The following PCDHA10 variants were observed in gnomAD, a reference collection of about 807,000 sequenced individuals.
PCDHA10 encodes protocadherin alpha-10.
Under a neutral mutation model 61.2 loss-of-function variants are expected in PCDHA10, and 45 were observed. That is an observed-to-expected ratio of 0.74 (90% confidence interval 0.58 to 0.94). PCDHA10 has a LOEUF of 0.94. Ranked by LOEUF, PCDHA10 falls within the 40% of genes least tolerant of loss-of-function variation. The pLI is 0.00. For missense variants in PCDHA10, 1,278 were observed against 1,236.2 expected (o/e 1.03, Z -0.51); for synonymous variants, 602 against 548.8 (o/e 1.10, Z -1.35).
chr5:140,979,048 C>T, intron 2 of PCDHA10, 41 bp downstream of exon 2: 2 of 1,611,774 alleles, frequency 1.2e-6, no homozygotes, highest in East Asian at 2.2e-5. Context: ...GTAACCTTAA[C>T]TTGGTATGGC....
chr5:140,941,185 CTTT>C (rs782102770), intron 1 of PCDHA10, among the ~76,000 whole-genome samples: 1 of 102,176 alleles, frequency 9.8e-6, no homozygotes, highest in Admixed American at 9.9e-5. Flanking sequence ...CATCCTGCTT[CTTT>C]TTTTTTCTTT....
At chr5:140,871,976 C>A (rs2053421346) in intron 1 of PCDHA10, among the ~76,000 whole-genome samples, 1 of 152,206 alleles carries the variant, frequency 6.6e-6, no homozygotes, top group Non-Finnish European at 1.5e-5. Context: ...CCTATGATGT[C>A]CAGGTTGGAC....
intron 1 of PCDHA10, chr5:140,869,664 G>T: frequency 6.2e-7 from 1 of 1,613,474 alleles, no homozygotes; most frequent in Non-Finnish European, 8.5e-7. Flanking sequence ...CAAATGGTAA[G>T]CAGATTAAAA....
chr5:140,886,217 T>C (rs548266069), intron 1 of PCDHA10, among the ~76,000 whole-genome samples: 3 of 152,240 alleles, frequency 2.0e-5, no homozygotes, highest in African/African-American at 7.2e-5. Flanking sequence ...TTTCTCTAAT[T>C]TTGTTACTTT....
chr5:140,875,961 C>G, intron 1 of PCDHA10: 1 of 1,614,004 alleles, frequency 6.2e-7, no homozygotes, highest in Non-Finnish European at 8.5e-7. Flanking sequence ...CGGATATCGG[C>G]GTAAACTCTC....
intron 1 of PCDHA10, among the ~76,000 whole-genome samples, chr5:140,938,890 C>T (rs979482011): frequency 5.9e-5 from 9 of 152,080 alleles, no homozygotes; most frequent in Non-Finnish European, 8.8e-5. Flanking sequence ...CACACACACA[C>T]AGATGCGCAC....
At chr5:141,003,750 A>T (rs868985181) in intron 3 of PCDHA10, among the ~76,000 whole-genome samples, 3 of 152,226 alleles carry the variant, frequency 2.0e-5, no homozygotes, top group African/African-American at 7.2e-5. Flanking sequence ...CATATTTTGT[A>T]TAATTATGGT....
chr5:140,957,591 C>T (rs1554223040), intron 1 of PCDHA10, among the ~76,000 whole-genome samples: 1 of 151,946 alleles, frequency 6.6e-6, no homozygotes, highest in African/African-American at 2.4e-5. Flanking sequence ...CAAAGCACTT[C>T]CCAGAATAAA....
chr5:140,869,654 C>G, intron 1 of PCDHA10: 2 of 1,613,446 alleles, frequency 1.2e-6, no homozygotes, highest in African/African-American at 1.3e-5. Context: ...GATTCACCAA[C>G]AAATGGTAAG....
intron 1 of PCDHA10, chr5:140,882,906 C>G: frequency 6.2e-7 from 1 of 1,614,200 alleles, no homozygotes; most frequent in Non-Finnish European, 8.5e-7. Context: ...TTATTACTGA[C>G]AGCCAGTGAT....
chr5:140,857,226 C>A lies in PCDHA10; in HGVS notation c.1178C>A (p.Pro393Gln), dbSNP rs1266010631. 1 of 1,598,378 alleles carries A rather than the reference C, an allele frequency of 6.3e-7. No homozygotes were observed. Among genetic ancestry groups the A allele is most frequent in the African/African-American group, 1.3e-5 (1 of 74,292 alleles). Residue 393 changes from proline to glutamine, a missense_variant, in exon 1 of 4, where the codon CCG becomes CAG. Coordinates refer to ENST00000307360, the MANE Select transcript of PCDHA10 (RefSeq NM_018901.4). Reference protein sequence around the residue: ...QVTCSLTPHVPFKLVSTYKNY... With the variant: ...QVTCSLTPHVQFKLVSTYKNY... Reference sequence around the variant, plus strand: ...ACCTGCTCTCTGACGCCTCACGTTCCGTTCAAGCTGGTGTCCACCTACAAG... The same window carrying A: ...ACCTGCTCTCTGACGCCTCACGTTCAGTTCAAGCTGGTGTCCACCTACAAG...
chr5:140,883,098 T>C lies in PCDHA10; in HGVS notation c.2388+24662T>C, dbSNP rs369154076. 21 of 1,614,014 alleles carry C rather than the reference T, an allele frequency of 1.3e-5. No homozygotes were observed. In the East Asian group the frequency reaches 4.0e-4, roughly 31 times the overall value. On this transcript the variant is annotated intron_variant, in intron 1 of 3. Coordinates refer to ENST00000307360, the MANE Select transcript of PCDHA10 (RefSeq NM_018901.4). ...CCTGATGATGGTACAAATGGAGATA[T>C]AGTTTACTCATTTAGAAGGCCTGTA... is the stretch of plus-strand genomic sequence containing the variant.
chr5:140,983,777 A>G (rs947937417), intron 3 of PCDHA10, among the ~76,000 whole-genome samples: 1 of 152,256 alleles, frequency 6.6e-6, no homozygotes, highest in Non-Finnish European at 1.5e-5. Context: ...ATCTACATAC[A>G]TAACAGATGA....
intron 1 of PCDHA10, among the ~76,000 whole-genome samples, chr5:140,908,124 C>A (rs782391085): frequency 6.6e-6 from 1 of 152,234 alleles, no homozygotes; most frequent in Non-Finnish European, 1.5e-5. Flanking sequence ...GATTTCCCTT[C>A]ACTGCTGTCC....
chr5:140,884,515 G>GCCTCTGATAAGCACAA, intron 1 of PCDHA10: 1 of 1,614,174 alleles, frequency 6.2e-7, no homozygotes. Flanking sequence ...GGAGTTGGTC[G>GCCTCTGATAAGCACAA]TACTCGCAGC....
Position 140,856,914 on chromosome 5 carries a change from G to A in PCDHA10, c.866G>A (p.Arg289Lys), listed in dbSNP as rs1554149290. The A allele has an allele frequency of 1.3e-6, 2 of 1,596,230 alleles. No homozygotes were observed. Among genetic ancestry groups the A allele is most frequent in the East Asian group, 4.5e-5 (2 of 44,856 alleles). ...SFSSLVPPTI[R>K]RKFWINERTG... ...AGCTCTTTGGTCCCACCCACGATAA[G>A]AAGGAAATTTTGGATAAACGAAAGG... The change falls in exon 1 of 4, where the codon AGA becomes AAA. Residue 289 changes from arginine to lysine, a missense_variant. Transcript: ENST00000307360.
intron 1 of PCDHA10, chr5:140,870,608 C>G (rs1408684171): frequency 6.2e-7 from 1 of 1,613,106 alleles, no homozygotes; most frequent in African/African-American, 1.3e-5. Flanking sequence ...GGCGACCGCG[C>G]GCTGTCGAGC....
chr5:140,942,924 T>A (rs2093394309), intron 1 of PCDHA10, among the ~76,000 whole-genome samples: 1 of 151,518 alleles, frequency 6.6e-6, no homozygotes, highest in African/African-American at 2.4e-5. Context: ...AAAAAAAAAA[T>A]TGAAAAAGAG....
chr5:140,990,852 A>T (rs1265916406), intron 3 of PCDHA10, among the ~76,000 whole-genome samples: 2 of 152,198 alleles, frequency 1.3e-5, no homozygotes, highest in Non-Finnish European at 1.5e-5. Context: ...TAGAGCCCTG[A>T]GGACATTGTA....
Sources: gnomAD v4.1 joint callset for allele counts (sites outside exome capture counted in the v4.1 genomes callset) on GRCh38, gnomAD v4.1.1 for gene constraint, MANE v1.5 for transcripts, NCBI Gene and HGNC (gene_info 2026-07-23, HGNC 2026-07-21) for gene names.